RIMS2: variants seen among roughly 807,000 people sequenced by gnomAD.
RIMS2 encodes the protein regulating synaptic membrane exocytosis protein 2.
A neutral mutation model predicts 174.4 loss-of-function variants in RIMS2; 59 were observed. The ratio of observed to expected loss-of-function variants is 0.34; its 90% CI spans 0.27 to 0.42. RIMS2 has a LOEUF of 0.42. Ranked by LOEUF, RIMS2 falls within the 10% of genes least tolerant of loss-of-function variation. RIMS2 has a pLI of 1.00. For synonymous variants in RIMS2, 606 were observed against 572.5 expected (o/e 1.06, Z -0.84); for missense variants, 1,620 against 1,666.3 (o/e 0.97, Z 0.48).
At chr8:104,241,059 A>G (rs534433694) in intron 19 of RIMS2, among the ~76,000 whole-genome samples, 3 of 152,278 alleles carry the variant, frequency 2.0e-5, no homozygotes, top group South Asian at 2.1e-4. Flanking sequence ...AAAGAGAAGC[A>G]GTTTGATCCC....
chr8:104,251,794 A>C (rs201106079), exon 24 of RIMS2: 1 of 1,609,254 alleles, frequency 6.2e-7, no homozygotes, highest in African/African-American at 1.4e-5. Context: ...GGAAAGTTCA[A>C]CTGGACCTTC....
chr8:104,230,508 T>C (rs2099220348), intron 19 of RIMS2, among the ~76,000 whole-genome samples: 1 of 151,762 alleles, frequency 6.6e-6, no homozygotes, highest in South Asian at 2.1e-4. Context: ...TAGCTGGGCA[T>C]GTTGTCAGGC....
chr8:103,634,180 A>C (rs914379832), intron 1 of RIMS2, among the ~76,000 whole-genome samples: 3 of 152,002 alleles, frequency 2.0e-5, no homozygotes, highest in Admixed American at 6.5e-5. Flanking sequence ...CCCTCTTAAC[A>C]CTGCCTTAGT....
intron 19 of RIMS2, among the ~76,000 whole-genome samples, chr8:104,032,445 C>G (rs2096415205): frequency 6.6e-6 from 1 of 151,796 alleles, no homozygotes; most frequent in African/African-American, 2.4e-5. Context: ...AAAATCAGAC[C>G]TTGGCAATGA....
chr8:103,623,212 T>C (rs2095677844), intron 1 of RIMS2, among the ~76,000 whole-genome samples: 1 of 152,190 alleles, frequency 6.6e-6, no homozygotes, highest in Admixed American at 6.5e-5. Flanking sequence ...GCCCTAACAT[T>C]CATACCTAGT....
chr8:103,524,582 G>A (rs1833118137), intron 1 of RIMS2, among the ~76,000 whole-genome samples: 2 of 152,134 alleles, frequency 1.3e-5, no homozygotes, highest in South Asian at 4.1e-4. Flanking sequence ...AAGGAAAATG[G>A]TGTTAAACAG....
At chr8:103,846,974 A>G (rs938445794) in intron 3 of RIMS2, among the ~76,000 whole-genome samples, 3 of 152,112 alleles carry the variant, frequency 2.0e-5, no homozygotes, top group Non-Finnish European at 2.9e-5. Flanking sequence ...TGTCAAACAT[A>G]TCCTCCCATA....
At chr8:104,199,774 T>C (rs576960599) in intron 19 of RIMS2, among the ~76,000 whole-genome samples, 1 of 152,222 alleles carries the variant, frequency 6.6e-6, no homozygotes, top group African/African-American at 2.4e-5. Context: ...GCTCCGTATA[T>C]GCAAGGCTGC....
At chr8:103,742,371 A>C (rs2097770123) in intron 2 of RIMS2, among the ~76,000 whole-genome samples, 1 of 152,172 alleles carries the variant, frequency 6.6e-6, no homozygotes, top group Non-Finnish European at 1.5e-5. Flanking sequence ...TTATGATTGC[A>C]AATGACTAGA....
exon 10 of RIMS2, chr8:103,921,724 C>T (rs750698471): frequency 4.3e-5 from 68 of 1,580,988 alleles, no homozygotes; most frequent in Non-Finnish European, 5.5e-5. Context: ...TTTCTGTTAC[C>T]TCTCCCATGA....
intron 3 of RIMS2, among the ~76,000 whole-genome samples, chr8:103,815,028 C>A (rs1041939658): frequency 3.3e-5 from 5 of 152,028 alleles, no homozygotes; most frequent in African/African-American, 1.2e-4. Flanking sequence ...TAGAGTTCTC[C>A]ACTGTTTGAA....
intron 3 of RIMS2, among the ~76,000 whole-genome samples, chr8:103,800,081 A>G (rs764778525): frequency 2.0e-5 from 3 of 152,174 alleles, no homozygotes; most frequent in Admixed American, 6.5e-5. Flanking sequence ...AGCAGAAGCT[A>G]TTAGACAAAC....
intron 19 of RIMS2, among the ~76,000 whole-genome samples, chr8:104,140,270 T>C (rs1347907713): frequency 6.6e-6 from 1 of 152,146 alleles, no homozygotes; most frequent in Non-Finnish European, 1.5e-5. Context: ...TGTCATAATT[T>C]TTACCCACCA....
At chr8:103,916,773 T>C (rs1290830547) in intron 8 of RIMS2, among the ~76,000 whole-genome samples, 1 of 152,134 alleles carries the variant, frequency 6.6e-6, no homozygotes, top group Non-Finnish European at 1.5e-5. Flanking sequence ...TTTAGGTGTT[T>C]ATTCATTTTG....
chr8:103,855,316 G>C (rs1354019992), intron 3 of RIMS2, among the ~76,000 whole-genome samples: 10 of 151,366 alleles, frequency 6.6e-5, no homozygotes. Flanking sequence ...TGGTTTCATT[G>C]ATATTTTGTA....
rs1423875938 is a variant in RIMS2 at position 103,886,124 on chromosome 8, C to G, written c.1525C>G (p.Gln509Glu). Residue 509 changes from glutamine to glutamate, a missense_variant, in exon 4 of 24, where the codon CAG becomes GAG. By Grantham distance (29) the Gln-to-Glu change is conservative. Transcript: ENST00000504942. Reference sequence around the variant, plus strand: ...ATCAAAGAAAGGCGGTAAAATGCGCCAGATTTCGTTGAGCAGTTCAGAGGA... The same window carrying G: ...ATCAAAGAAAGGCGGTAAAATGCGCGAGATTTCGTTGAGCAGTTCAGAGGA... 7 of 1,612,856 alleles carry G rather than the reference C, an allele frequency of 4.3e-6. No individual in the cohort carries two copies. The African/African-American group carries it at 9.4e-5, about 22-fold the overall frequency.
rs142051158 is a variant in RIMS2 at position 104,237,578 on chromosome 8, A to T, written c.3335-7338A>T. Reference sequence around the variant, plus strand: ...TACATGAATAGACCTAACATCTACCATAATCATGACCCCTGCTTGAAGCTC... The same window carrying T: ...TACATGAATAGACCTAACATCTACCTTAATCATGACCCCTGCTTGAAGCTC... On this transcript the variant is annotated intron_variant, in intron 19 of 23. Coordinates refer to ENST00000504942, the Ensembl canonical transcript of RIMS2. Among the ~76,000 whole-genome samples the T allele has an allele frequency of 3.6e-3, 546 of 152,282 alleles. 3 individuals are homozygous for T. Among genetic ancestry groups the T allele is most frequent in the Middle Eastern group, 0.014 (4 of 292 alleles).
chr8:104,021,081 C>T (rs1187847087), intron 19 of RIMS2, among the ~76,000 whole-genome samples: 1 of 151,816 alleles, frequency 6.6e-6, no homozygotes, highest in Non-Finnish European at 1.5e-5. Context: ...ATTACTGGAC[C>T]AAATTAAGAA....
intron 17 of RIMS2, among the ~76,000 whole-genome samples, chr8:104,000,432 A>G (rs1349652042): frequency 6.6e-6 from 1 of 151,822 alleles, no homozygotes; most frequent in African/African-American, 2.4e-5. Flanking sequence ...GTGTATACAT[A>G]TCACATTTTA....
Sources: allele counts gnomAD v4.1 joint callset (sites outside exome capture counted in the v4.1 genomes callset), GRCh38; gene constraint gnomAD v4.1.1; transcripts MANE v1.5; gene names NCBI Gene and HGNC (gene_info 2026-07-23, HGNC 2026-07-21).